FOXJ3: variants seen among roughly 807,000 people sequenced by gnomAD.
FOXJ3 encodes forkhead box J3, also known as forkhead box protein J3.
A neutral mutation model predicts 76.1 loss-of-function variants in FOXJ3; 22 were observed. The observed-to-expected ratio is 0.29, with a 90% CI of 0.21 to 0.41. FOXJ3 has a LOEUF of 0.41. Ranked by LOEUF, FOXJ3 falls within the 10% of genes least tolerant of loss-of-function variation. FOXJ3 has a pLI of 1.00. For missense variants in FOXJ3, 613 were observed against 762.1 expected (o/e 0.80, Z 2.30); for synonymous variants, 269 against 261.2 (o/e 1.03, Z -0.29).
At chr1:42,287,220 A>G (rs1470366571) in intron 2 of FOXJ3, among the ~76,000 whole-genome samples, 1 of 151,800 alleles carries the variant, frequency 6.6e-6, no homozygotes, top group Non-Finnish European at 1.5e-5. Context: ...TGCATCTGTA[A>G]TCCCAGCTAC....
intron 4 of FOXJ3, among the ~76,000 whole-genome samples, chr1:42,241,320 T>A (rs926203601): frequency 1.3e-5 from 2 of 152,094 alleles, no homozygotes; most frequent in African/African-American, 4.8e-5. Flanking sequence ...ACAGCATACT[T>A]GTACACGCCT....
At position 42,297,475 on chromosome 1, in the gene FOXJ3, G is replaced by A. The variant is rs565043058; in HGVS notation, c.44+13575C>T. Among the ~76,000 whole-genome samples the A allele has an allele frequency of 5.9e-5, 9 of 152,262 alleles. No individual in the cohort carries two copies. The South Asian group carries it at 8.3e-4, about 14-fold the overall frequency. On this transcript the variant is annotated intron_variant, in intron 2 of 12. Transcript: ENST00000361346. The stretch of plus-strand genomic sequence containing the variant: ...AGTTTATTGAGGGTTGTTATGAAGC[G>A]ATGTTGGATTTTATCAAATCACTTT...
chr1:42,179,204 A>C lies in FOXJ3; in HGVS notation c.*506T>G, dbSNP rs1646270391. 1 of 152,656 alleles carries C rather than the reference A, an allele frequency of 6.6e-6. No homozygotes were observed. Among genetic ancestry groups the C allele is most frequent in the South Asian group, 2.1e-4 (1 of 4,836 alleles). The allele number at this position is 152,656 out of a possible 1,614,324, so 9.5% of individuals were successfully genotyped here. On this transcript the variant is annotated 3_prime_UTR_variant, in exon 13 of 13. Transcript: ENST00000361346. ...AATAAGGGGAACTGGGTTTTGGAAA[A>C]AATCTATTTCCTTTCAGTTTCCTAC... is the stretch of plus-strand genomic sequence containing the variant.
At chr1:42,289,117 C>T (rs530026971) in intron 2 of FOXJ3, among the ~76,000 whole-genome samples, 23 of 151,810 alleles carry the variant, frequency 1.5e-4, no homozygotes, top group Admixed American at 9.2e-4. Context: ...TTTTAAGGGA[C>T]GAAAAATAAG....
intron 2 of FOXJ3, among the ~76,000 whole-genome samples, chr1:42,279,780 T>C (rs548748942): frequency 1.3e-5 from 2 of 151,760 alleles, no homozygotes; most frequent in African/African-American, 2.4e-5. Flanking sequence ...CTAAGTGATA[T>C]CAAAATAAAG....
rs1646552460 is a variant in FOXJ3, at chr1:42,191,723, A to C, written c.935-4T>G. On this transcript the variant is annotated splice_region_variant and splice_polypyrimidine_tract_variant and intron_variant, in intron 8 of 12. Transcript: ENST00000361346. Reference sequence around the variant, plus strand: ...TCAGAAGGGATGTTCATCAAACCTAAAAACAAAGCAAGATCATTTATGGTC... The same window carrying C: ...TCAGAAGGGATGTTCATCAAACCTACAAACAAAGCAAGATCATTTATGGTC... 1 of 1,605,366 alleles carries C rather than the reference A, an allele frequency of 6.2e-7. No homozygotes were observed. The highest frequency in any genetic ancestry group is 8.5e-7 in the Non-Finnish European group (1 of 1,172,700).
intron 2 of FOXJ3, among the ~76,000 whole-genome samples, chr1:42,301,457 C>T (rs924801461): frequency 7.2e-5 from 11 of 152,160 alleles, no homozygotes; most frequent in African/African-American, 2.2e-4. Context: ...CCCGCCTCCG[C>T]CTCCAAAAGT....
chr1:42,283,287 T>C (rs1050042912), intron 2 of FOXJ3, among the ~76,000 whole-genome samples: 1 of 152,184 alleles, frequency 6.6e-6, no homozygotes, highest in Non-Finnish European at 1.5e-5. Context: ...CAGAATTTTT[T>C]TCTTCATAAA....
Position 42,191,542 on chromosome 1 carries a change from G to C in FOXJ3, c.1112C>G (p.Ser371Cys), listed in dbSNP as rs1178816035. The change falls in exon 9 of 13, where the codon TCT (serine) becomes TGT (cysteine). Residue 371 changes from serine to cysteine, a missense_variant. Ser to Cys is a moderately radical substitution (Grantham distance 112). Around this residue, in one of 3 missense-constraint regions of FOXJ3, gnomAD observed 526 missense variants for 601.4 expected, o/e 0.87. Transcript: ENST00000361346. ...TGGCTGTGTGTGCATCTGGGGGTGA[G>C]ACAGTGAGACCTGTGCAACCGAATT... is the stretch of plus-strand genomic sequence containing the variant. ...GSNSVAQVSL[S>C]HPQMHTQPSP... The C allele has an allele frequency of 2.5e-6, 4 of 1,614,096 alleles. No homozygotes were observed. Among genetic ancestry groups the C allele is most frequent in the Middle Eastern group, 3.3e-4 (2 of 6,060 alleles).
chr1:42,293,346 C>T (rs939459934), intron 2 of FOXJ3, among the ~76,000 whole-genome samples: 3 of 151,180 alleles, frequency 2.0e-5, no homozygotes, highest in African/African-American at 7.3e-5. Context: ...AGAAGACAAA[C>T]TACCCAGTTT....
intron 5 of FOXJ3, among the ~76,000 whole-genome samples, chr1:42,220,578 C>T (rs993730966): frequency 6.6e-6 from 1 of 152,076 alleles, no homozygotes; most frequent in African/African-American, 2.4e-5. Context: ...TGGCTTCATG[C>T]AGGGCAAGCC....
intron 5 of FOXJ3, among the ~76,000 whole-genome samples, chr1:42,213,577 C>G (rs1016506028): frequency 6.6e-6 from 1 of 151,606 alleles, no homozygotes; most frequent in Admixed American, 6.6e-5. Flanking sequence ...CTCCCAGATT[C>G]ATAAAATCAC....
At position 42,278,554 on chromosome 1, in the gene FOXJ3, T is replaced by C. The variant is rs906740656; in HGVS notation, c.163A>G (p.Lys55Glu). Reference sequence around the variant, plus strand: ...TTTGGGTCAAGGAGTGCATTCTTCTTAGAAATTCCTGTTCCATGTGCATTT... The same window carrying C: ...TTTGGGTCAAGGAGTGCATTCTTCTCAGAAATTCCTGTTCCATGTGCATTT... ...TQNAHGTGIS[K>E]KNALLDPNTT... is the part of the protein sequence containing the mutation. The change falls in exon 3 of 13, where the codon AAG (lysine) becomes GAG (glutamate). Residue 55 changes from lysine to glutamate, a missense_variant. Lys to Glu is a moderately conservative substitution (Grantham distance 56). Transcript: ENST00000361346. 3.7e-6 allele frequency: 6 copies of C among 1,614,056 alleles called. No homozygotes were observed. Among genetic ancestry groups the C allele is most frequent in the South Asian group, 2.2e-5 (2 of 91,078 alleles).
At chr1:42,243,505 C>T (rs1336097991) in intron 4 of FOXJ3, among the ~76,000 whole-genome samples, 4 of 152,102 alleles carry the variant, frequency 2.6e-5, no homozygotes, top group African/African-American at 9.7e-5. Flanking sequence ...AAAACCATGA[C>T]CCAACTATAT....
rs182225159 is a variant in FOXJ3, at chr1:42,191,142, G to A, written c.1351+161C>T. Reference sequence around the variant, plus strand: ...ACAATAAATTTTAATCAAGAAAGTCGCCAGGTCAGTCTATGAATTAAATGA... The same window carrying A: ...ACAATAAATTTTAATCAAGAAAGTCACCAGGTCAGTCTATGAATTAAATGA... On this transcript the variant is annotated intron_variant, in intron 9 of 12. Coordinates refer to ENST00000361346, the MANE Select transcript of FOXJ3 (RefSeq NM_014947.5). Among the ~76,000 whole-genome samples the A allele has an allele frequency of 2.0e-4, 30 of 152,118 alleles. No homozygotes were observed. In the East Asian group the frequency reaches 4.1e-3, roughly 21 times the overall value.
intron 3 of FOXJ3, 135 bp from the exon 4 acceptor site, chr1:42,265,324 C>T (rs1651381245): frequency 1.9e-6 from 1 of 516,982 alleles, no homozygotes; most frequent in African/African-American, 2.0e-5. Context: ...TTTTAATCAG[C>T]TTAAAATTTA....
chr1:42,264,992 C>A, intron 4 of FOXJ3, 123 bp downstream of exon 4: 1 of 749,214 alleles, frequency 1.3e-6, no homozygotes, highest in Non-Finnish European at 2.4e-6. Flanking sequence ...AGCTTTAGAG[C>A]AGGGTGGGGG....
intron 1 of FOXJ3, among the ~76,000 whole-genome samples, chr1:42,324,739 G>A (rs1201512987): frequency 2.0e-4 from 31 of 152,078 alleles, no homozygotes; most frequent in Admixed American, 2.0e-3. Context: ...ACACAGAAAA[G>A]GTACAGTAAA....
At chr1:42,215,961 G>T (rs1204920040) in intron 5 of FOXJ3, among the ~76,000 whole-genome samples, 1 of 151,816 alleles carries the variant, frequency 6.6e-6, no homozygotes, top group African/African-American at 2.4e-5. Flanking sequence ...AGACCAGCCT[G>T]GTCAACATAG....
Sources: gnomAD v4.1 joint callset for allele counts (sites outside exome capture counted in the v4.1 genomes callset) on GRCh38, gnomAD v4.1.1 for gene constraint, gnomAD v4.1.1 regional missense constraint, MANE v1.5 for transcripts, NCBI Gene and HGNC (gene_info 2026-07-23, HGNC 2026-07-21) for gene names.